TMEM132E: variants seen among roughly 807,000 people sequenced by gnomAD.
TMEM132E encodes the protein transmembrane protein 132E.
In TMEM132E, 49 loss-of-function variants were observed where a neutral mutation model predicts 78.5. That is an observed-to-expected ratio of 0.62 (90% confidence interval 0.50 to 0.79). The LOEUF (loss-of-function observed/expected upper bound fraction) is 0.79. Ranked by LOEUF, TMEM132E falls within the 30% of genes least tolerant of loss-of-function variation. TMEM132E has a pLI of 0.00. For synonymous variants in TMEM132E, 715 were observed against 670.6 expected, an observed-to-expected ratio of 1.07 and a Z score of -1.02; for missense variants, 1,403 against 1,470.9, an observed-to-expected ratio of 0.95 and a Z score of 0.75.
intron 1 of TMEM132E, among the ~76,000 whole-genome samples, chr17:34,588,878 C>T (rs955431509): frequency 6.6e-6 from 1 of 152,094 alleles, no homozygotes. Context: ...CTCAGCCTCC[C>T]GAGTAGCTGA....
At position 34,638,271 on chromosome 17, in the gene TMEM132E, G is replaced by A. The variant is rs1242176537; in HGVS notation, c.*39G>A. Reference sequence around the variant, plus strand: ...AGTAGCAGGGACCCCCCCCCCCAACGGGGTCAGCTCGGGGTAGGACACAGC... The same window carrying A: ...AGTAGCAGGGACCCCCCCCCCCAACAGGGTCAGCTCGGGGTAGGACACAGC... On this transcript the variant is annotated 3_prime_UTR_variant, in exon 9 of 9. Coordinates refer to ENST00000631683, the MANE Select transcript of TMEM132E (RefSeq NM_001304438.2). The A allele has an allele frequency of 2.1e-6, 3 of 1,443,740 alleles. No individual in the cohort carries two copies. Among genetic ancestry groups the A allele is most frequent in the Non-Finnish European group, 9.3e-7 (1 of 1,078,118 alleles). The allele number at this position is 1,443,740 out of a possible 1,614,324, so 89.4% of individuals were successfully genotyped here. A position where few individuals can be genotyped will look rare whatever the true frequency, so the allele number is the denominator to read the frequency against.
intron 1 of TMEM132E, among the ~76,000 whole-genome samples, chr17:34,583,346 G>T (rs958930353): frequency 6.6e-6 from 1 of 152,090 alleles, no homozygotes; most frequent in Admixed American, 6.5e-5. Flanking sequence ...CTTCTCCATC[G>T]CATGTCTCAG....
At chr17:34,632,584 C>T in intron 5 of TMEM132E, 120 bp from the exon 6 acceptor site, 1 of 971,058 alleles carries the variant, frequency 1.0e-6, no homozygotes, top group South Asian at 1.5e-5. Flanking sequence ...CCACTGGCCT[C>T]CTCCCCTTCA....
In TMEM132E at chr17:34,630,149, A is replaced by G; in HGVS notation, c.1480A>G (p.Lys494Glu). Residue 494 changes from lysine (K) to glutamate (E), a missense_variant and splice_region_variant, in exon 5 of 9, where the codon AAG (lysine) becomes GAG (glutamate). Physicochemically the swap from Lys to Glu is moderately conservative, Grantham distance 56. Around this residue, in one of 3 missense-constraint regions of TMEM132E, gnomAD observed 888 missense variants for 952.8 expected, o/e 0.93. Coordinates refer to ENST00000631683, the MANE Select transcript of TMEM132E (RefSeq NM_001304438.2). Reference sequence around the variant, plus strand: ...CGAGTCTGACAATGAAGACATCATCAAGGTGGGCATCCTGGAGGTGGGGCC... The same window carrying G: ...CGAGTCTGACAATGAAGACATCATCGAGGTGGGCATCCTGGAGGTGGGGCC... ...ECESDNEDII[K>E]VSSSCDYVFV... 2 of 1,610,046 alleles carry G rather than the reference A, an allele frequency of 1.2e-6. No homozygotes were observed. Among genetic ancestry groups the G allele is most frequent in the Non-Finnish European group, 1.7e-6 (2 of 1,176,784 alleles).
intron 1 of TMEM132E, 67 bp from the exon 2 acceptor site, chr17:34,626,060 G>A: frequency 7.2e-7 from 1 of 1,385,816 alleles, no homozygotes; most frequent in Non-Finnish European, 9.5e-7. Context: ...CGAGCCTGGG[G>A]GCACCCTGGG....
chr17:34,610,174 C>A (rs549288416), intron 1 of TMEM132E, among the ~76,000 whole-genome samples: 1 of 152,324 alleles, frequency 6.6e-6, no homozygotes, highest in Non-Finnish European at 1.5e-5. Flanking sequence ...GCACTTCCTA[C>A]CTTTTAGCAT....
In TMEM132E at chr17:34,603,835, C is replaced by G. The variant is rs1906320426; in HGVS notation, c.68-22292C>G. 3.3e-5 allele frequency among the ~76,000 whole-genome samples: 5 copies of G among 152,328 alleles called. No individual in the cohort carries two copies. In the South Asian group the frequency reaches 8.3e-4, roughly 25 times the overall value. ...ACTCACTGTCCCAGCTGCAGCTGAC[C>G]ACTCGTCCACCATCTCCTGTGGCTA... On this transcript the variant is annotated intron_variant, in intron 1 of 8. Transcript: ENST00000631683.
At chr17:34,602,888 G>T (rs571117670) in intron 1 of TMEM132E, among the ~76,000 whole-genome samples, 2 of 152,332 alleles carry the variant, frequency 1.3e-5, no homozygotes, top group Admixed American at 1.3e-4. Context: ...GCAGGTCCAC[G>T]TGGGATGGAA....
chr17:34,583,272 C>A (rs975340893), intron 1 of TMEM132E, among the ~76,000 whole-genome samples: 1 of 152,234 alleles, frequency 6.6e-6, no homozygotes, highest in Admixed American at 6.5e-5. Context: ...CCCTACTGAG[C>A]GGACATTTCC....
chr17:34,606,816 G>A (rs980570244), intron 1 of TMEM132E, among the ~76,000 whole-genome samples: 2 of 152,178 alleles, frequency 1.3e-5, no homozygotes, highest in Non-Finnish European at 2.9e-5. Flanking sequence ...TGTGTGACCT[G>A]CCTGGCTGCA....
chr17:34,611,354 A>G (rs1906587294), intron 1 of TMEM132E, among the ~76,000 whole-genome samples: 1 of 152,122 alleles, frequency 6.6e-6, no homozygotes, highest in Non-Finnish European at 1.5e-5. Context: ...CTAAAATGAG[A>G]CAGAATGGCA....
At chr17:34,599,837 G>T (rs1906176821) in intron 1 of TMEM132E, among the ~76,000 whole-genome samples, 2 of 152,014 alleles carry the variant, frequency 1.3e-5, no homozygotes, top group South Asian at 4.2e-4. Context: ...GTGGGGAGGG[G>T]GCCAGAATCA....
chr17:34,629,139 G>A lies in TMEM132E; in HGVS notation c.1273G>A (p.Glu425Lys), dbSNP rs760611085. 5 of 1,614,050 alleles carry A rather than the reference G, an allele frequency of 3.1e-6. No homozygotes were observed. The East Asian group carries it at 6.7e-5, about 22-fold the overall frequency. ...TGGCCACGGCGCCCTGCCTGACCTG[G>A]AGCGGGCAGTCACTGAGCTGACGGT... ...YRGHGALPDL[E>K]RAVTELTVIQ... is the part of the protein sequence containing the mutation. The change falls in exon 4 of 9, where the codon GAG becomes AAG. Residue 425 changes from glutamate to lysine, a missense_variant. Transcript: ENST00000631683.
chr17:34,637,218 C>G lies in TMEM132E; in HGVS notation c.2211C>G (p.Thr737=), dbSNP rs754987706. 1.2e-6 allele frequency: 2 copies of G among 1,611,812 alleles called. No individual in the cohort carries two copies. The highest frequency in any genetic ancestry group is 3.3e-5 in the Admixed American group (2 of 59,984). ...TCTGGCTCTCCTACAGTGATGGCAC[C>G]ACAGCCCCACTCTCCCTCTACAGCC... ...LSLWLSYSDG[T]TAPLSLYSPR... Residue 737 remains threonine (T), a synonymous_variant, in exon 9 of 9, where the codon ACC becomes ACG. Coordinates refer to ENST00000631683, the MANE Select transcript of TMEM132E (RefSeq NM_001304438.2).
intron 1 of TMEM132E, among the ~76,000 whole-genome samples, chr17:34,611,249 C>T (rs1906582417): frequency 6.6e-6 from 1 of 152,116 alleles, no homozygotes; most frequent in Non-Finnish European, 1.5e-5. Flanking sequence ...GAGAAGGGAA[C>T]TCAAGAGCAG....
intron 5 of TMEM132E, 77 bp downstream of exon 5, chr17:34,630,228 A>C: frequency 6.6e-7 from 1 of 1,504,070 alleles, no homozygotes. Context: ...ACCAGAGTCC[A>C]GGTGGCTGAC....
At chr17:34,633,679 G>A (rs1907424453) in intron 6 of TMEM132E, among the ~76,000 whole-genome samples, 1 of 152,256 alleles carries the variant, frequency 6.6e-6, no homozygotes, top group South Asian at 2.1e-4. Context: ...TGAGAATTGG[G>A]CTGAGTTCAA....
chr17:34,617,049 G>A (rs1056817327), intron 1 of TMEM132E, among the ~76,000 whole-genome samples: 1 of 152,220 alleles, frequency 6.6e-6, no homozygotes, highest in Non-Finnish European at 1.5e-5. Flanking sequence ...GGTGCTTAGG[G>A]AAGGCAGTGT....
intron 1 of TMEM132E, among the ~76,000 whole-genome samples, chr17:34,611,036 C>T (rs762618980): frequency 2.0e-5 from 3 of 152,222 alleles, no homozygotes; most frequent in Non-Finnish European, 4.4e-5. Flanking sequence ...GATTCACAAC[C>T]TGTTTTTCAG....
Sources: allele counts gnomAD v4.1 joint callset (sites outside exome capture counted in the v4.1 genomes callset), GRCh38; gene constraint gnomAD v4.1.1; regional missense constraint gnomAD v4.1.1; transcripts MANE v1.5; gene names NCBI Gene and HGNC (gene_info 2026-07-23, HGNC 2026-07-21).